Variants in MAP3K20 observed in about 807,000 individuals in gnomAD.
The protein encoded by MAP3K20 is mitogen-activated protein kinase kinase kinase 20, also known as HCCS-4.
In MAP3K20, 40 loss-of-function variants were observed where a neutral mutation model predicts 85.7. The observed-to-expected ratio is 0.47, with a 90% confidence interval of 0.36 to 0.61. The LOEUF (loss-of-function observed/expected upper bound fraction) is 0.61. Among genes scored for constraint, MAP3K20 ranks in the 20% least tolerant of loss-of-function variants. The pLI is 0.00. For missense variants in MAP3K20, 817 were observed against 961.7 expected, an observed-to-expected ratio of 0.85 and a Z score of 1.99; for synonymous variants, 325 against 327.7, an observed-to-expected ratio of 0.99 and a Z score of 0.09.
At chr2:173,096,074 T>TA (rs1392914816) in intron 2 of MAP3K20, among the ~76,000 whole-genome samples, 3 of 152,222 alleles carry the variant, frequency 2.0e-5, no homozygotes, top group Non-Finnish European at 4.4e-5. Context: ...TGTATGCAGC[T>TA]ATCTACCCTT....
chr2:173,173,711 G>A lies in MAP3K20; in HGVS notation c.247+3819G>A, dbSNP rs1488729432. Reference sequence around the variant, plus strand: ...GTTATAACACATTTCAGACATTTGCGTAAATTTATTCTATTAGTTATAATT... The same window carrying A: ...GTTATAACACATTTCAGACATTTGCATAAATTTATTCTATTAGTTATAATT... On this transcript the variant is annotated intron_variant, in intron 3 of 19. Transcript: ENST00000375213. Among the ~76,000 whole-genome samples the A allele has an allele frequency of 2.0e-5, 3 of 152,088 alleles. 1 individual carries two copies. The highest frequency in any genetic ancestry group is 1.3e-4 in the Admixed American group (2 of 15,276).
chr2:173,120,818 C>T (rs1230785778), intron 2 of MAP3K20, among the ~76,000 whole-genome samples: 1 of 149,816 alleles, frequency 6.7e-6, no homozygotes, highest in East Asian at 2.0e-4. Context: ...AGCAATTCCC[C>T]TGCCTCAGCC....
chr2:173,107,363 A>G (rs1687811781), intron 2 of MAP3K20, among the ~76,000 whole-genome samples: 1 of 152,072 alleles, frequency 6.6e-6, no homozygotes, highest in Admixed American at 6.6e-5. Context: ...GCTTTGTGCA[A>G]GGGTTTCAGG....
At chr2:173,252,554 G>T (rs1218211026) in intron 16 of MAP3K20, among the ~76,000 whole-genome samples, 1 of 152,176 alleles carries the variant, frequency 6.6e-6, no homozygotes, top group Non-Finnish European at 1.5e-5. Flanking sequence ...AATTCCATTT[G>T]TTTCCTGTAG....
At chr2:173,177,443 ATT>A (rs71403359) in intron 3 of MAP3K20, among the ~76,000 whole-genome samples, 8 of 126,600 alleles carry the variant, frequency 6.3e-5, no homozygotes, top group African/African-American at 5.8e-5. Context: ...ATCACAATAG[ATT>A]TTTTTTTTTT....
chr2:173,101,566 A>G (rs1031285334), intron 2 of MAP3K20, among the ~76,000 whole-genome samples: 88 of 152,334 alleles, frequency 5.8e-4, no homozygotes, highest in African/African-American at 2.0e-3. Flanking sequence ...CTGATGTTAT[A>G]CAAAGCTAGG....
At chr2:173,238,181 C>A (rs937431014) in intron 14 of MAP3K20, among the ~76,000 whole-genome samples, 192 bp from the exon 15 acceptor site, 2 of 152,086 alleles carry the variant, frequency 1.3e-5, no homozygotes, top group African/African-American at 4.8e-5. Flanking sequence ...AATTTCTGGT[C>A]CTTTAAATAA....
intron 11 of MAP3K20, chr2:173,222,947 G>C: frequency 1.0e-6 from 1 of 985,356 alleles, no homozygotes; most frequent in Non-Finnish European, 1.2e-6. Flanking sequence ...TTAGAAAGGA[G>C]TGTCATTATT....
chr2:173,133,426 G>A (rs1407571698), intron 2 of MAP3K20, among the ~76,000 whole-genome samples: 3 of 152,172 alleles, frequency 2.0e-5, no homozygotes, highest in Non-Finnish European at 2.9e-5. Flanking sequence ...TAGAGAGTGA[G>A]AGTCATTCAG....
intron 14 of MAP3K20, among the ~76,000 whole-genome samples, chr2:173,234,010 A>C (rs961506172): frequency 1.3e-5 from 2 of 152,244 alleles, no homozygotes; most frequent in Non-Finnish European, 2.9e-5. Context: ...GGGCAAGTCC[A>C]TCCTAAAAGC....
Position 173,103,354 on chromosome 2 carries a change from G to A in MAP3K20, c.159+12164G>A, listed in dbSNP as rs1367632560. On this transcript the variant is annotated intron_variant, in intron 2 of 19. Transcript: ENST00000375213. ...TCTCTCAGATCAGTGAGGCTCTGTG[G>A]GAAATCCTGATTCTGGATATACTGA... is the stretch of plus-strand genomic sequence containing the variant. 3.3e-5 allele frequency among the ~76,000 whole-genome samples: 5 copies of A among 152,186 alleles called. 1 individual carries two copies. Among genetic ancestry groups the A allele is most frequent in the Non-Finnish European group, 1.5e-5 (1 of 68,038 alleles).
At chr2:173,220,481 T>C (rs1684212758) in intron 11 of MAP3K20, among the ~76,000 whole-genome samples, 1 of 152,054 alleles carries the variant, frequency 6.6e-6, no homozygotes, top group Non-Finnish European at 1.5e-5. Flanking sequence ...CTAACTTAAA[T>C]GTGAGACAGA....
intron 2 of MAP3K20, among the ~76,000 whole-genome samples, chr2:173,153,533 A>C (rs1689368324): frequency 6.6e-6 from 1 of 152,194 alleles, no homozygotes; most frequent in Non-Finnish European, 1.5e-5. Context: ...GTTTCTTAGA[A>C]TATTACTAAG....
chr2:173,225,017 G>T, intron 11 of MAP3K20: 1 of 982,990 alleles, frequency 1.0e-6, no homozygotes. Context: ...CATTCAAAAT[G>T]ATAATTGAAT....
intron 7 of MAP3K20, among the ~76,000 whole-genome samples, chr2:173,195,915 C>T (rs1690817716): frequency 6.6e-6 from 1 of 152,132 alleles, no homozygotes; most frequent in African/African-American, 2.4e-5. Context: ...ACGGTTAGAG[C>T]TCTCAGAGAA....
chr2:173,125,493 A>G (rs1688414372), intron 2 of MAP3K20, among the ~76,000 whole-genome samples: 1 of 148,940 alleles, frequency 6.7e-6, no homozygotes, highest in Non-Finnish European at 1.5e-5. Context: ...TAGGAAGTGA[A>G]GTTAAATGTT....
At chr2:173,130,338 A>C (rs967986073) in intron 2 of MAP3K20, among the ~76,000 whole-genome samples, 3 of 152,238 alleles carry the variant, frequency 2.0e-5, no homozygotes, top group African/African-American at 7.2e-5. Context: ...AAAGCACCTT[A>C]TAGACAATAT....
chr2:173,215,995 A>AT (rs1684060696), intron 10 of MAP3K20, among the ~76,000 whole-genome samples: 1 of 152,152 alleles, frequency 6.6e-6, no homozygotes, highest in Non-Finnish European at 1.5e-5. Context: ...CCCAGCAGCT[A>AT]TTCTGCAATA....
intron 2 of MAP3K20, among the ~76,000 whole-genome samples, chr2:173,150,209 A>C (rs1689261756): frequency 6.6e-6 from 1 of 152,244 alleles, no homozygotes; most frequent in Non-Finnish European, 1.5e-5. Context: ...TTCTGTCAAC[A>C]TGGCAATTTA....
Sources: gnomAD v4.1 joint callset for allele counts (sites outside exome capture counted in the v4.1 genomes callset) on GRCh38, gnomAD v4.1.1 for gene constraint, MANE v1.5 for transcripts, NCBI Gene and HGNC (gene_info 2026-07-23, HGNC 2026-07-21) for gene names.